Variants in SNRPD1 observed in about 807,000 individuals in gnomAD.
The protein encoded by SNRPD1 is small nuclear ribonucleoprotein D1 polypeptide.
SNRPD1 carries 1 observed loss-of-function variant against 14.4 expected under a neutral mutation model. The ratio of observed to expected loss-of-function variants is 0.07; its 90% CI spans 0.02 to 0.33. The LOEUF (loss-of-function observed/expected upper bound fraction) is 0.33. Ranked by LOEUF, SNRPD1 falls within the 10% of genes least tolerant of loss-of-function variation. The probability of loss-of-function intolerance (pLI) is 1.00; values close to 1 mark genes in which losing one functional copy is unlikely to be tolerated. For missense variants in SNRPD1, 52 were observed against 146.4 expected (o/e 0.36, Z 3.33); for synonymous variants, 42 against 50.3 (o/e 0.83, Z 0.70).
intron 1 of SNRPD1, among the ~76,000 whole-genome samples, chr18:21,618,572 G>A (rs1454559945): frequency 6.6e-6 from 1 of 151,898 alleles, no homozygotes; most frequent in Non-Finnish European, 1.5e-5. Flanking sequence ...ACTTGATAAT[G>A]GGAGGAAACC....
chr18:21,619,800 A>G (rs1054763083), intron 1 of SNRPD1, among the ~76,000 whole-genome samples: 12 of 151,976 alleles, frequency 7.9e-5, no homozygotes, highest in African/African-American at 2.7e-4. Flanking sequence ...AGAATTTTAA[A>G]AAAAGACGGA....
chr18:21,623,998 T>C, intron 3 of SNRPD1, 59 bp downstream of exon 3: 1 of 942,986 alleles, frequency 1.1e-6, no homozygotes. Context: ...ACACTATTCA[T>C]AATATAGATA....
intron 2 of SNRPD1, among the ~76,000 whole-genome samples, chr18:21,623,108 C>T (rs772092604): frequency 1.5e-4 from 23 of 150,644 alleles, no homozygotes; most frequent in East Asian, 3.9e-4. Flanking sequence ...TTTTTTTAGA[C>T]GGATTCTCAC....
chr18:21,622,144 C>CTT (rs757318055), intron 1 of SNRPD1, among the ~76,000 whole-genome samples: 4 of 143,444 alleles, frequency 2.8e-5, no homozygotes, highest in East Asian at 2.0e-4. Flanking sequence ...TTCTTTATTT[C>CTT]TTTTTTTTTT....
Position 21,631,568 on chromosome 18 carries a change from C to G in SNRPD1, c.*2430C>G, listed in dbSNP as rs1455185336. 1 of 150,516 alleles carries G rather than the reference C, an allele frequency of 6.6e-6. No homozygotes were observed. The highest frequency in any genetic ancestry group is 2.5e-5 in the African/African-American group (1 of 40,704). 9.3% of individuals were successfully genotyped at this position (150,516 alleles called of 1,614,324 possible). A position where few individuals can be genotyped will look rare whatever the true frequency, so the allele number is the denominator to read the frequency against. ...TCTCCTGCCTCAGCCTCCCGAGTAGCTGGGACTACAGGTGCCTGCCACCAC... is the reference window on the plus strand; with the variant it reads ...TCTCCTGCCTCAGCCTCCCGAGTAGGTGGGACTACAGGTGCCTGCCACCAC... On this transcript the variant is annotated 3_prime_UTR_variant, in exon 4 of 4. Coordinates refer to ENST00000300413, the MANE Select transcript of SNRPD1 (RefSeq NM_006938.4).
At chr18:21,620,991 G>T (rs1006765570) in intron 1 of SNRPD1, among the ~76,000 whole-genome samples, 1 of 151,614 alleles carries the variant, frequency 6.6e-6, no homozygotes, top group Non-Finnish European at 1.5e-5. Context: ...GTGAAACCCC[G>T]TCTCTACTAA....
rs2039063589 is a variant in SNRPD1 at position 21,629,352 on chromosome 18, A to C, written c.*214A>C. On this transcript the variant is annotated 3_prime_UTR_variant, in exon 4 of 4. Coordinates refer to ENST00000300413, the MANE Select transcript of SNRPD1 (RefSeq NM_006938.4). ...TTCATTTTTAGTTGATCAGGTTTTA[A>C]GTTTTTGAACTAAAATTTTTCTTTT... is the stretch of plus-strand genomic sequence containing the variant. 1 of 465,732 alleles carries C rather than the reference A, an allele frequency of 2.1e-6. No homozygotes were observed. The allele number at this position is 465,732 out of a possible 1,614,324, so 28.8% of individuals were successfully genotyped here.
chr18:21,617,023 A>G (rs1598490981), intron 1 of SNRPD1, among the ~76,000 whole-genome samples: 1 of 152,258 alleles, frequency 6.6e-6, no homozygotes, highest in East Asian at 1.9e-4. Context: ...ACTATCATCC[A>G]TCTTGGATTA....
At chr18:21,612,513 C>T in intron 1 of SNRPD1, 70 bp downstream of exon 1, 3 of 1,231,976 alleles carry the variant, frequency 2.4e-6, no homozygotes, top group Non-Finnish European at 3.3e-6. Context: ...GAAGGCTGGG[C>T]TCTCCCATTT....
At chr18:21,617,001 T>G (rs571615089) in intron 1 of SNRPD1, among the ~76,000 whole-genome samples, 1 of 152,266 alleles carries the variant, frequency 6.6e-6, no homozygotes, top group Non-Finnish European at 1.5e-5. Flanking sequence ...CTGGAACTCT[T>G]GGGCTCAAGT....
intron 3 of SNRPD1, among the ~76,000 whole-genome samples, chr18:21,625,511 T>G (rs1258187246): frequency 6.6e-6 from 1 of 151,922 alleles, no homozygotes; most frequent in East Asian, 1.9e-4. Context: ...AGGTGGGGTT[T>G]CATCCTGTTG....
At chr18:21,614,260 C>A (rs774020941) in intron 1 of SNRPD1, among the ~76,000 whole-genome samples, 1 of 152,104 alleles carries the variant, frequency 6.6e-6, no homozygotes, top group Non-Finnish European at 1.5e-5. Flanking sequence ...GAGTGAGACT[C>A]GGTCTCAAAA....
Position 21,613,803 on chromosome 18 carries a change from C to T in SNRPD1, c.14+1360C>T, listed in dbSNP as rs1049692044. 6.4e-5 allele frequency among the ~76,000 whole-genome samples: 8 copies of T among 124,564 alleles called. No individual in the cohort carries two copies. The South Asian group carries it at 1.7e-3, about 27-fold the overall frequency. The allele number at this position is 124,564 out of a possible 152,430, so 81.7% of individuals were successfully genotyped here. On this transcript the variant is annotated intron_variant, in intron 1 of 3. Coordinates refer to ENST00000300413, the MANE Select transcript of SNRPD1 (RefSeq NM_006938.4). ...CCAGGCGGCAGAGGTTGCAGTGAGC[C>T]GATATCGTGGCACTACGCTCCAGCC...
chr18:21,622,946 T>TA (rs2039009209), intron 2 of SNRPD1, 145 bp downstream of exon 2: 1 of 495,640 alleles, frequency 2.0e-6, no homozygotes, highest in African/African-American at 2.1e-5. Flanking sequence ...TTTTTTTTTT[T>TA]TAAACAGTTT....
chr18:21,612,744 A>G (rs552289165), intron 1 of SNRPD1, among the ~76,000 whole-genome samples: 2 of 151,860 alleles, frequency 1.3e-5, no homozygotes, highest in East Asian at 1.9e-4. Context: ...ACAGTTACTC[A>G]TTTTCTTTTT....
intron 1 of SNRPD1, among the ~76,000 whole-genome samples, chr18:21,615,560 G>T (rs2038951025): frequency 6.6e-6 from 1 of 151,990 alleles, no homozygotes; most frequent in African/African-American, 2.4e-5. Context: ...GGAGATTGCA[G>T]TGAGCTGAGA....
At position 21,631,752 on chromosome 18, in the gene SNRPD1, T is replaced by G. The variant is rs2039086676; in HGVS notation, c.*2614T>G. 1 of 152,080 alleles carries G rather than the reference T, an allele frequency of 6.6e-6. No individual in the cohort carries two copies. The allele number at this position is 152,080 out of a possible 1,614,324, so 9.4% of individuals were successfully genotyped here. A position where few individuals can be genotyped will look rare whatever the true frequency, so the allele number is the denominator to read the frequency against. On this transcript the variant is annotated 3_prime_UTR_variant, in exon 4 of 4. Transcript: ENST00000300413. ...CCGGCCTATACCTTTCATTAATTAA[T>G]AAGCTGGGGGAATAAATAACTGGAT...
In SNRPD1 at chr18:21,623,971, A is replaced by G. The variant is rs566625157; in HGVS notation, c.283+32A>G. The G allele has an allele frequency of 5.3e-6, 7 of 1,316,278 alleles. No individual in the cohort carries two copies. In the South Asian group the frequency reaches 7.6e-5, roughly 14 times the overall value. 81.5% of individuals were successfully genotyped at this position (1,316,278 alleles called of 1,614,324 possible). A position where few individuals can be genotyped will look rare whatever the true frequency, so the allele number is the denominator to read the frequency against. ...TTGAAGGATTATAAACATTTTTGTG[A>G]ATGCTAATCCTAATCCACACTATTC... On this transcript the variant is annotated intron_variant, in intron 3 of 3. Transcript: ENST00000300413.
chr18:21,623,723 A>G (rs766130152), intron 2 of SNRPD1, 25 bp from the exon 3 acceptor site: 12 of 1,554,464 alleles, frequency 7.7e-6, no homozygotes, highest in South Asian at 3.5e-5. Flanking sequence ...CATACTAATA[A>G]CTGCACAATT....
Sources: allele counts gnomAD v4.1 joint callset (sites outside exome capture counted in the v4.1 genomes callset), GRCh38; gene constraint gnomAD v4.1.1; transcripts MANE v1.5; gene names NCBI Gene and HGNC (gene_info 2026-07-23, HGNC 2026-07-21).